The following FBXO34 variants were observed in gnomAD, a reference collection of about 807,000 sequenced individuals.
FBXO34 encodes F-box only protein 34.
A neutral mutation model predicts 24.5 loss-of-function variants in FBXO34; 12 were observed. That is an observed-to-expected ratio of 0.49 (90% CI 0.31 to 0.79). The LOEUF (loss-of-function observed/expected upper bound fraction) is 0.79. FBXO34 is among the 30% of genes least tolerant of loss of function. The probability of loss-of-function intolerance (pLI) is 0.04; values close to 1 mark genes in which losing one functional copy is unlikely to be tolerated. For synonymous variants in FBXO34, 320 were observed against 311.9 expected, an observed-to-expected ratio of 1.03 and a Z score of -0.27; for missense variants, 823 against 857.7, an observed-to-expected ratio of 0.96 and a Z score of 0.51.
intron 1 of FBXO34, among the ~76,000 whole-genome samples, 170 bp from the exon 2 acceptor site, chr14:55,350,211 A>T (rs1362006800): frequency 6.6e-6 from 1 of 151,166 alleles, no homozygotes; most frequent in Admixed American, 6.6e-5. Context: ...GCTGTTTGTT[A>T]TTCTTGATAT....
chr14:55,396,769 T>G, the FBXO34 span, among the ~76,000 whole-genome samples: 16 of 152,126 alleles, frequency 1.1e-4, no homozygotes, highest in Admixed American at 2.6e-4. Flanking sequence ...ACCAGAAGGT[T>G]CTATAGGACA....
chr14:55,299,175 C>T (rs1882252762), intron 1 of FBXO34: 2 of 1,030,976 alleles, frequency 1.9e-6, no homozygotes, highest in African/African-American at 1.6e-5. Flanking sequence ...CGAAACAGTC[C>T]CTCTACCAAA....
chr14:55,438,039 T>C, the FBXO34 span, among the ~76,000 whole-genome samples: 14,231 of 152,252 alleles, frequency 0.093, 715 homozygotes, highest in African/African-American at 0.13. Flanking sequence ...GACTTTATTA[T>C]GGGAAAAAAT....
chr14:55,314,087 T>G (rs1270556162), intron 1 of FBXO34, among the ~76,000 whole-genome samples: 4 of 152,092 alleles, frequency 2.6e-5, no homozygotes. Flanking sequence ...TTATTTTAAT[T>G]TTTTTGAGAG....
rs1555338529 is a variant in FBXO34 at position 55,331,705 on chromosome 14, G to GTGTATATATA, written c.-10-18675_-10-18674insGTATATATAT. Among the ~76,000 whole-genome samples, 8 of 26,934 alleles carry GTGTATATATA rather than the reference G, an allele frequency of 3.0e-4. 4 individuals are homozygous for GTGTATATATA. The African/African-American group carries it at 3.2e-3, about 11-fold the overall frequency. 17.7% of individuals were successfully genotyped at this position (26,934 alleles called of 152,430 possible). On this transcript the variant is annotated intron_variant, in intron 1 of 1. Transcript: ENST00000313833. ...TATATGTGTATATATATATATATAT[G>GTGTATATATA]TATATATATATGTATATATATATGT... is the stretch of plus-strand genomic sequence containing the variant.
the FBXO34 span, chr14:55,428,830 C>G: frequency 6.2e-7 from 1 of 1,614,116 alleles, no homozygotes; most frequent in African/African-American, 1.3e-5. Flanking sequence ...GATGGGTTAG[C>G]ACCAAACCTT....
In FBXO34 at chr14:55,326,359, C is replaced by T. The variant is rs147969390; in HGVS notation, c.-10-24022C>T. Among the ~76,000 whole-genome samples, 1,179 of 152,260 alleles carry T rather than the reference C, an allele frequency of 7.7e-3. 16 individuals carry two copies. Among genetic ancestry groups the T allele is most frequent in the African/African-American group, 0.027 (1,103 of 41,536 alleles). On this transcript the variant is annotated intron_variant, in intron 1 of 1. Transcript: ENST00000313833. ...AAGTAAAATGTGCTTTTTTAGACTT[C>T]GGCCGAGTTGCCTAGGTGAGGGCTG...
the FBXO34 span, among the ~76,000 whole-genome samples, chr14:55,407,645 G>A: frequency 4.0e-5 from 6 of 151,576 alleles, 1 homozygote; most frequent in East Asian, 9.6e-4. Flanking sequence ...GCTGCTGCTG[G>A]GCTGGTGATC....
the FBXO34 span, among the ~76,000 whole-genome samples, chr14:55,426,649 G>A: frequency 1.3e-3 from 199 of 152,086 alleles, 1 homozygote; most frequent in African/African-American, 4.6e-3. Flanking sequence ...AGGATGAGGG[G>A]GAGGCAAGAA....
chr14:55,331,742 T>TATATATATATATATATAC, intron 1 of FBXO34, among the ~76,000 whole-genome samples: 3 of 48,174 alleles, frequency 6.2e-5, no homozygotes, highest in African/African-American at 6.2e-4. Flanking sequence ...TATATATATG[T>TATATATATATATATATAC]GTGTATATAT....
At chr14:55,389,169 A>G in the FBXO34 span, among the ~76,000 whole-genome samples, 1 of 152,194 alleles carries the variant, frequency 6.6e-6, no homozygotes, top group Non-Finnish European at 1.5e-5. Flanking sequence ...GGAGTTAGGA[A>G]TGTGTTAAAA....
intron 1 of FBXO34, among the ~76,000 whole-genome samples, chr14:55,334,374 G>A (rs750577573): frequency 1.3e-5 from 2 of 152,190 alleles, no homozygotes; most frequent in Non-Finnish European, 2.9e-5. Flanking sequence ...ACAGGGCACT[G>A]TGCTGTGTGC....
downstream of FBXO34, among the ~76,000 whole-genome samples, chr14:55,374,677 A>G (rs567760121): frequency 8.3e-4 from 127 of 152,128 alleles, no homozygotes; most frequent in Non-Finnish European, 1.3e-3. Flanking sequence ...AAGGTTTTTT[A>G]TATCATCTGG....
the FBXO34 span, among the ~76,000 whole-genome samples, chr14:55,409,550 G>A: frequency 2.8e-5 from 4 of 145,058 alleles, no homozygotes; most frequent in Non-Finnish European, 4.6e-5. Context: ...TCTAACGTAT[G>A]AGCAGGCACC....
chr14:55,399,886 G>C, the FBXO34 span, among the ~76,000 whole-genome samples: 2 of 152,174 alleles, frequency 1.3e-5, no homozygotes, highest in Admixed American at 6.5e-5. Flanking sequence ...TTAATAGTGA[G>C]CTGGTTGATT....
At chr14:55,425,477 C>A in the FBXO34 span, among the ~76,000 whole-genome samples, 72 of 152,184 alleles carry the variant, frequency 4.7e-4, no homozygotes, top group African/African-American at 1.6e-3. Flanking sequence ...GCTTTTAGAA[C>A]CATGGTTTTA....
chr14:55,301,460 T>G (rs180820681), intron 1 of FBXO34, among the ~76,000 whole-genome samples: 2 of 152,134 alleles, frequency 1.3e-5, no homozygotes, highest in African/African-American at 4.8e-5. Context: ...AAGAAAAACT[T>G]CTTTGTTAAT....
chr14:55,380,249 A>AAAC, the FBXO34 span, among the ~76,000 whole-genome samples: 48,832 of 150,436 alleles, frequency 0.32, 8,020 homozygotes, highest in Non-Finnish European at 0.34. Flanking sequence ...CTCTGTCTCA[A>AAAC]AACAACAACA....
intron 1 of FBXO34, among the ~76,000 whole-genome samples, chr14:55,291,198 A>G (rs1881934465): frequency 6.6e-6 from 1 of 152,152 alleles, no homozygotes. Context: ...CAGTTGGACA[A>G]TACACTTGTT....
Sources: allele counts gnomAD v4.1 joint callset (sites outside exome capture counted in the v4.1 genomes callset), GRCh38; gene constraint gnomAD v4.1.1; transcripts MANE v1.5; gene names NCBI Gene and HGNC (gene_info 2026-07-23, HGNC 2026-07-21).